The following ZFC3H1 variants were observed in gnomAD, a reference collection of about 807,000 sequenced individuals.
ZFC3H1 encodes zinc finger C3H1 domain-containing protein.
A neutral mutation model predicts 243.7 loss-of-function variants in ZFC3H1; 71 were observed. That is an observed-to-expected ratio of 0.29 (90% confidence interval 0.24 to 0.36). ZFC3H1 has a LOEUF of 0.36. Ranked by LOEUF, ZFC3H1 falls within the 10% of genes least tolerant of loss-of-function variation. ZFC3H1 has a pLI of 1.00. For missense variants in ZFC3H1, 1,966 were observed against 2,317.1 expected (o/e 0.85, Z 3.11); for synonymous variants, 838 against 813.0 (o/e 1.03, Z -0.52).
intron 30 of ZFC3H1, 31 bp downstream of exon 30, chr12:71,614,504 A>G (rs777878392): frequency 6.5e-7 from 1 of 1,533,660 alleles, no homozygotes; most frequent in Non-Finnish European, 8.7e-7. Flanking sequence ...TTTTACACAA[A>G]TATCTAAAGA....
At chr12:71,632,593 C>A in intron 14 of ZFC3H1, 79 bp from the exon 15 acceptor site, 1 of 1,447,614 alleles carries the variant, frequency 6.9e-7, no homozygotes, top group East Asian at 2.3e-5. Context: ...TTGTGCTATC[C>A]CCACCATACA....
intron 2 of ZFC3H1, among the ~76,000 whole-genome samples, chr12:71,655,306 C>T (rs1880989373): frequency 6.6e-6 from 1 of 151,938 alleles, no homozygotes; most frequent in Non-Finnish European, 1.5e-5. Context: ...AAGCAGCCTA[C>T]AAGTCAATGA....
intron 1 of ZFC3H1, 45 bp from the exon 2 acceptor site, chr12:71,657,346 G>A (rs1386324050): frequency 2.2e-6 from 3 of 1,355,732 alleles, no homozygotes; most frequent in Non-Finnish European, 1.9e-6. Flanking sequence ...ATTTTCCACA[G>A]TTAAATTTAA....
chr12:71,647,922 G>T (rs997078716), intron 2 of ZFC3H1, 109 bp from the exon 3 acceptor site: 5 of 423,484 alleles, frequency 1.2e-5, no homozygotes, highest in Non-Finnish European at 2.0e-5. Flanking sequence ...TCATTAAAGG[G>T]TCTCATTTTC....
intron 4 of ZFC3H1, 37 bp downstream of exon 4, chr12:71,644,840 C>A: frequency 6.3e-7 from 1 of 1,588,528 alleles, no homozygotes; most frequent in Non-Finnish European, 8.5e-7. Context: ...GAAAAGAAAA[C>A]AAAACAAAAA....
intron 5 of ZFC3H1, 149 bp from the exon 6 acceptor site, chr12:71,642,708 T>C (rs1880629866): frequency 3.4e-6 from 3 of 872,276 alleles, no homozygotes; most frequent in Non-Finnish European, 3.4e-6. Context: ...GAAATTCAAT[T>C]CAAATGATAG....
chr12:71,617,363 TA>T (rs996082021), intron 27 of ZFC3H1, among the ~76,000 whole-genome samples: 2 of 152,218 alleles, frequency 1.3e-5, no homozygotes, highest in African/African-American at 2.4e-5. Context: ...AAATAAGCTA[TA>T]AACAGGATAC....
chr12:71,626,885 A>G (rs970634893), intron 21 of ZFC3H1, among the ~76,000 whole-genome samples: 2 of 152,216 alleles, frequency 1.3e-5, no homozygotes, highest in Non-Finnish European at 2.9e-5. Flanking sequence ...AGGGCTTGCT[A>G]TCTCTTGGAG....
rs1030688642 is a variant in ZFC3H1 at position 71,630,974 on chromosome 12, C to G, written c.3471-20G>C. The G allele has an allele frequency of 6.3e-7, 1 of 1,588,188 alleles. No homozygotes were observed. The highest frequency in any genetic ancestry group is 1.3e-5 in the African/African-American group (1 of 74,280). Reference sequence around the variant, plus strand: ...CTAAATCTAAGGTGAAGAGAGTGAACAGGTATATTATGCCCAACAAACATT... The same window carrying G: ...CTAAATCTAAGGTGAAGAGAGTGAAGAGGTATATTATGCCCAACAAACATT... On this transcript the variant is annotated intron_variant, in intron 16 of 34. Coordinates refer to ENST00000378743, the MANE Select transcript of ZFC3H1 (RefSeq NM_144982.5).
At chr12:71,654,080 T>C (rs1565828091) in intron 2 of ZFC3H1, among the ~76,000 whole-genome samples, 1 of 151,966 alleles carries the variant, frequency 6.6e-6, no homozygotes. Context: ...AAATATCTTT[T>C]AAAAAGAGTA....
chr12:71,628,348 CAG>C (rs1011324949), intron 20 of ZFC3H1, among the ~76,000 whole-genome samples: 3 of 152,176 alleles, frequency 2.0e-5, no homozygotes, highest in African/African-American at 4.8e-5. Flanking sequence ...ACTAGAAAAA[CAG>C]TGTTACGTTA....
At chr12:71,650,749 T>A (rs892480698) in intron 2 of ZFC3H1, among the ~76,000 whole-genome samples, 1 of 152,178 alleles carries the variant, frequency 6.6e-6, no homozygotes, top group African/African-American at 2.4e-5. Flanking sequence ...CTACCCCCAA[T>A]AGAATATTCT....
rs1176479209 is a variant in ZFC3H1 at position 71,663,157 on chromosome 12, G to C, written c.454C>G (p.Arg152Gly). ...CCCCGACTCCAGCGACTCCCACCCC[G>C]GTAAGGCCTGCCTCGAAAGCGGAAA... ...DRFRFRGRPY[R>G]GGSRWSRGRG... is the part of the protein sequence containing the mutation. Residue 152 changes from arginine to glycine, a missense_variant, in exon 1 of 35, where the codon CGG becomes GGG. By Grantham distance (125) the Arg-to-Gly change is moderately radical. This residue lies in a region of ZFC3H1 where 484 missense variants were observed against 449.7 expected (regional missense o/e 1.08). Coordinates refer to ENST00000378743, the MANE Select transcript of ZFC3H1 (RefSeq NM_144982.5). 3 of 1,613,914 alleles carry C rather than the reference G, an allele frequency of 1.9e-6. No homozygotes were observed. Among genetic ancestry groups the C allele is most frequent in the Non-Finnish European group, 1.7e-6 (2 of 1,180,004 alleles).
chr12:71,660,958 A>T (rs1011177646), intron 1 of ZFC3H1, among the ~76,000 whole-genome samples: 9 of 151,574 alleles, frequency 5.9e-5, no homozygotes, highest in Non-Finnish European at 1.0e-4. Flanking sequence ...CCAAAAAAAA[A>T]TTTTTTTAAA....
rs79804664 is a variant in ZFC3H1, at chr12:71,654,959, A to G, written c.1015+1926T>C. ...AGATAAAGTCACTACATAATGACTCAATTACCCACCTTCAAAGTATTTAAA... is the reference window on the plus strand; with the variant it reads ...AGATAAAGTCACTACATAATGACTCGATTACCCACCTTCAAAGTATTTAAA... On this transcript the variant is annotated intron_variant, in intron 2 of 34. Coordinates refer to ENST00000378743, the MANE Select transcript of ZFC3H1 (RefSeq NM_144982.5). 6.6e-3 allele frequency among the ~76,000 whole-genome samples: 1,012 copies of G among 152,278 alleles called. 13 individuals are homozygous for G. Among genetic ancestry groups the G allele is most frequent in the African/African-American group, 0.022 (926 of 41,566 alleles).
chr12:71,625,848 CA>C (rs1461701638), intron 22 of ZFC3H1, among the ~76,000 whole-genome samples: 2 of 152,088 alleles, frequency 1.3e-5, no homozygotes, highest in African/African-American at 2.4e-5. Context: ...AATAAAAAGA[CA>C]AAAATGTTTC....
chr12:71,644,242 T>C lies in ZFC3H1; in HGVS notation c.1356A>G (p.Lys452=). Reference sequence around the variant, plus strand: ...CAGCTTGTTTCCGCTGATCCTCTTCTTTCTGTCTTTCCTGCTCTTTTTGTT... The same window carrying C: ...CAGCTTGTTTCCGCTGATCCTCTTCCTTCTGTCTTTCCTGCTCTTTTTGTT... The part of the protein sequence containing the change: ...LQQQKEQERQ[K]EEDQRKQAEE... Residue 452 remains lysine, a synonymous_variant, in exon 5 of 35, where the codon AAA becomes AAG. Coordinates refer to ENST00000378743, the MANE Select transcript of ZFC3H1 (RefSeq NM_144982.5). 1 of 1,612,952 alleles carries C rather than the reference T, an allele frequency of 6.2e-7. No homozygotes were observed.
chr12:71,644,046 T>C, intron 5 of ZFC3H1, 49 bp downstream of exon 5: 2 of 1,495,770 alleles, frequency 1.3e-6, no homozygotes, highest in Non-Finnish European at 1.8e-6. Context: ...AATATGACTT[T>C]AAGGAAACTT....
In ZFC3H1 at chr12:71,610,770, T is replaced by C. The variant is rs752576368; in HGVS notation, c.5770-13A>G. 62 of 1,609,778 alleles carry C rather than the reference T, an allele frequency of 3.9e-5. No homozygotes were observed. The South Asian group carries it at 4.6e-4, about 12-fold the overall frequency. ...ATAAACGGTGGACCTGTAAGATAGA[T>C]ATACACACAATTCCATCAGAAAATA... is the stretch of plus-strand genomic sequence containing the variant. On this transcript the variant is annotated splice_polypyrimidine_tract_variant and intron_variant, in intron 33 of 34. Coordinates refer to ENST00000378743, the MANE Select transcript of ZFC3H1 (RefSeq NM_144982.5).
Sources: gnomAD v4.1 joint callset for allele counts (sites outside exome capture counted in the v4.1 genomes callset) on GRCh38, gnomAD v4.1.1 for gene constraint, gnomAD v4.1.1 regional missense constraint, MANE v1.5 for transcripts, NCBI Gene and HGNC (gene_info 2026-07-23, HGNC 2026-07-21) for gene names.